KATNA1: variants seen among roughly 807,000 people sequenced by gnomAD.
The protein encoded by KATNA1 is katanin p60 ATPase-containing subunit A1.
A neutral mutation model predicts 62.6 loss-of-function variants in KATNA1; 42 were observed. That is an observed-to-expected ratio of 0.67 (90% CI 0.52 to 0.87). The LOEUF (loss-of-function observed/expected upper bound fraction) is 0.87. KATNA1 is among the 40% of genes least tolerant of loss of function. KATNA1 has a pLI of 0.00. For missense variants in KATNA1, 498 were observed against 612.5 expected, an observed-to-expected ratio of 0.81 and a Z score of 1.97; for synonymous variants, 186 against 201.9, an observed-to-expected ratio of 0.92 and a Z score of 0.67.
At chr6:149,616,008 T>C (rs1398881514) in intron 4 of KATNA1, among the ~76,000 whole-genome samples, 3 of 152,064 alleles carry the variant, frequency 2.0e-5, no homozygotes, top group Non-Finnish European at 4.4e-5. Flanking sequence ...TCCACTTACA[T>C]AAGTAGCCGA....
At chr6:149,610,546 G>T in intron 4 of KATNA1, among the ~76,000 whole-genome samples, 1 of 152,038 alleles carries the variant, frequency 6.6e-6, no homozygotes, top group Non-Finnish European at 1.5e-5. Context: ...ATCAGTAACA[G>T]GAAGAAAACA....
Position 149,623,095 on chromosome 6 carries a change from A to G in KATNA1, c.501+8T>C. ...AACTTTCATTTATAAAAATCAATTA[A>G]CATTTACCTTTTCCTCTCTTCCTTT... On this transcript the variant is annotated splice_region_variant and intron_variant, in intron 4 of 10. Coordinates refer to ENST00000367411, the MANE Select transcript of KATNA1 (RefSeq NM_007044.4). The G allele has an allele frequency of 6.5e-7, 1 of 1,548,218 alleles. No individual in the cohort carries two copies. The highest frequency in any genetic ancestry group is 8.8e-7 in the Non-Finnish European group (1 of 1,141,624).
Position 149,617,081 on chromosome 6 carries a change from C to G in KATNA1, c.501+6022G>C, listed in dbSNP as rs528790715. ...AAAGGGAAAATACTGTATGATTCCA[C>G]TCAGATGAGGTACCTCGAATAGTCA... On this transcript the variant is annotated intron_variant, in intron 4 of 10. Coordinates refer to ENST00000367411, the MANE Select transcript of KATNA1 (RefSeq NM_007044.4). 2.7e-4 allele frequency among the ~76,000 whole-genome samples: 41 copies of G among 152,300 alleles called. 1 individual carries two copies. Among genetic ancestry groups the G allele is most frequent in the Admixed American group, 2.4e-3 (36 of 15,294 alleles).
intron 3 of KATNA1, chr6:149,631,609 C>CA (rs1376056016): frequency 1.3e-5 from 2 of 148,366 alleles, no homozygotes; most frequent in African/African-American, 5.0e-5. Flanking sequence ...GTTGCAATGA[C>CA]AAAATGTTAA....
chr6:149,636,606 T>C (rs1780071628), intron 2 of KATNA1, among the ~76,000 whole-genome samples: 1 of 151,830 alleles, frequency 6.6e-6, no homozygotes, highest in Non-Finnish European at 1.5e-5. Flanking sequence ...TGAGGTATAA[T>C]ATTCTATCTA....
chr6:149,624,758 T>C (rs564053932), intron 3 of KATNA1, among the ~76,000 whole-genome samples: 5 of 151,854 alleles, frequency 3.3e-5, no homozygotes, highest in Admixed American at 2.6e-4. Context: ...CCAGATTTGG[T>C]TGCAGCCATT....
intron 4 of KATNA1, among the ~76,000 whole-genome samples, chr6:149,610,289 T>G (rs1778899593): frequency 6.9e-6 from 1 of 145,602 alleles, no homozygotes; most frequent in African/African-American, 2.6e-5. Context: ...GCAACAGAGA[T>G]CCTATCTCAA....
chr6:149,628,597 G>A (rs1190967885), intron 3 of KATNA1, among the ~76,000 whole-genome samples: 2 of 151,860 alleles, frequency 1.3e-5, no homozygotes, highest in African/African-American at 4.8e-5. Flanking sequence ...CAAGGCAGGT[G>A]GATCACGAGG....
At chr6:149,613,889 G>T (rs1253964496) in intron 4 of KATNA1, among the ~76,000 whole-genome samples, 1 of 152,134 alleles carries the variant, frequency 6.6e-6, no homozygotes, top group African/African-American at 2.4e-5. Context: ...TGGGATTAAG[G>T]CCCTTACAAA....
intron 5 of KATNA1, among the ~76,000 whole-genome samples, chr6:149,603,850 C>G (rs1778639350): frequency 6.6e-6 from 1 of 152,146 alleles, no homozygotes. Flanking sequence ...ACAGAGATTA[C>G]TATAAAGTCA....
chr6:149,648,481 A>G lies in KATNA1; in HGVS notation c.-26T>C. 1 of 152,352 alleles carries G rather than the reference A, an allele frequency of 6.6e-6. No homozygotes were observed. The highest frequency in any genetic ancestry group is 1.5e-5 in the Non-Finnish European group (1 of 68,092). The allele number at this position is 152,352 out of a possible 1,614,324, so 9.4% of individuals were successfully genotyped here. A position where few individuals can be genotyped will look rare whatever the true frequency, so the allele number is the denominator to read the frequency against. On this transcript the variant is annotated 5_prime_UTR_variant, in exon 1 of 11. Transcript: ENST00000367411. ...AGTGAAAACTCACCTGCGGCGGCCCAAGCTCCTCGGGAAACCGCCCAACGC... is the reference window on the plus strand; with the variant it reads ...AGTGAAAACTCACCTGCGGCGGCCCGAGCTCCTCGGGAAACCGCCCAACGC...
intron 7 of KATNA1, among the ~76,000 whole-genome samples, chr6:149,599,743 C>T (rs1449016126): frequency 6.6e-6 from 1 of 152,046 alleles, no homozygotes; most frequent in Non-Finnish European, 1.5e-5. Flanking sequence ...GTCTCGAACT[C>T]CTGACCTCAA....
chr6:149,636,366 G>A (rs138218093), intron 2 of KATNA1, among the ~76,000 whole-genome samples: 8 of 152,042 alleles, frequency 5.3e-5, no homozygotes, highest in Non-Finnish European at 1.5e-5. Context: ...GATCCCAGGA[G>A]TTCAAGACCA....
intron 4 of KATNA1, among the ~76,000 whole-genome samples, chr6:149,611,438 G>A (rs1415453822): frequency 7.0e-6 from 1 of 143,382 alleles, no homozygotes; most frequent in Non-Finnish European, 1.5e-5. Context: ...CTCCAGCCTG[G>A]GCAACAAGAG....
At chr6:149,644,491 G>A (rs1240017288) in intron 1 of KATNA1, among the ~76,000 whole-genome samples, 1 of 151,864 alleles carries the variant, frequency 6.6e-6, no homozygotes, top group Non-Finnish European at 1.5e-5. Context: ...GCATGACAGG[G>A]CACACCTGTA....
intron 3 of KATNA1, among the ~76,000 whole-genome samples, chr6:149,632,090 G>A (rs1198187189): frequency 1.3e-5 from 2 of 152,062 alleles, no homozygotes. Context: ...TCCTCTCTTT[G>A]CGTAAGAAAA....
At chr6:149,625,537 A>G (rs1485946520) in intron 3 of KATNA1, among the ~76,000 whole-genome samples, 1 of 151,906 alleles carries the variant, frequency 6.6e-6, no homozygotes, top group African/African-American at 2.4e-5. Flanking sequence ...GGCTGAGGCA[A>G]AAGAATCACT....
intron 3 of KATNA1, among the ~76,000 whole-genome samples, chr6:149,626,209 G>A (rs1460006346): frequency 6.6e-6 from 1 of 151,322 alleles, no homozygotes; most frequent in Non-Finnish European, 1.5e-5. Flanking sequence ...AAAGATGGTT[G>A]AGTCGGTACT....
intron 4 of KATNA1, among the ~76,000 whole-genome samples, chr6:149,618,681 T>A (rs1169372573): frequency 2.0e-5 from 3 of 152,114 alleles, no homozygotes; most frequent in Non-Finnish European, 4.4e-5. Context: ...TCCATGTATT[T>A]ACAGTCAACT....
Sources: allele counts gnomAD v4.1 joint callset (sites outside exome capture counted in the v4.1 genomes callset), GRCh38; gene constraint gnomAD v4.1.1; transcripts MANE v1.5; gene names NCBI Gene and HGNC (gene_info 2026-07-23, HGNC 2026-07-21).